The following CDYL variants were observed in gnomAD, a reference collection of about 807,000 sequenced individuals.
CDYL encodes chromodomain Y like.
CDYL carries 8 observed loss-of-function variants against 47.3 expected under a neutral mutation model. The observed-to-expected ratio is 0.17, with a 90% confidence interval of 0.10 to 0.31. CDYL has a LOEUF of 0.31. Among genes scored for constraint, CDYL ranks in the 10% least tolerant of loss-of-function variants. The probability of loss-of-function intolerance (pLI) is 1.00; values close to 1 mark genes in which losing one functional copy is unlikely to be tolerated. For synonymous variants in CDYL, 266 were observed against 265.0 expected, an observed-to-expected ratio of 1.00 and a Z score of -0.04; for missense variants, 471 against 701.4, an observed-to-expected ratio of 0.67 and a Z score of 3.71.
chr6:4,767,754 A>G (rs552207815), intron 3 of CDYL, among the ~76,000 whole-genome samples: 5 of 152,210 alleles, frequency 3.3e-5, no homozygotes, highest in Admixed American at 1.3e-4. Context: ...ACTTTACTCA[A>G]TGTCATATTG....
chr6:4,869,212 C>T (rs767933563), intron 1 of CDYL, among the ~76,000 whole-genome samples: 5 of 151,944 alleles, frequency 3.3e-5, no homozygotes, highest in Admixed American at 6.6e-5. Context: ...TCTCCTGTCT[C>T]GGCCTCCCAA....
chr6:4,842,823 C>T (rs570463092), intron 1 of CDYL, among the ~76,000 whole-genome samples: 2 of 152,110 alleles, frequency 1.3e-5, no homozygotes, highest in South Asian at 2.1e-4. Context: ...ATATGAAAAC[C>T]CTTGTGGGTT....
At chr6:4,713,999 G>A (rs547218863) in intron 1 of CDYL, 1 of 152,322 alleles carries the variant, frequency 6.6e-6, no homozygotes, top group East Asian at 1.9e-4. Context: ...CTAACATTGA[G>A]AGGATGCCGT....
At chr6:4,839,437 A>G (rs1428897886) in intron 1 of CDYL, among the ~76,000 whole-genome samples, 7 of 152,072 alleles carry the variant, frequency 4.6e-5, no homozygotes, top group Admixed American at 4.6e-4. Flanking sequence ...AGTCCCATCT[A>G]TTTATCTTTG....
intron 2 of CDYL, among the ~76,000 whole-genome samples, chr6:4,729,688 C>T (rs779306873): frequency 2.6e-5 from 4 of 152,156 alleles, no homozygotes; most frequent in East Asian, 3.9e-4. Flanking sequence ...GAGGCCAAGG[C>T]GGGTGGATCA....
chr6:4,812,608 C>A (rs1226722719), intron 1 of CDYL, among the ~76,000 whole-genome samples: 1 of 152,126 alleles, frequency 6.6e-6, no homozygotes, highest in Non-Finnish European at 1.5e-5. Flanking sequence ...TTGCCTATCC[C>A]TCCCCTTTGC....
intron 2 of CDYL, among the ~76,000 whole-genome samples, chr6:4,727,371 T>C (rs117434830): frequency 1.3e-5 from 2 of 152,288 alleles, no homozygotes; most frequent in East Asian, 3.9e-4. Context: ...TCTCAAACAC[T>C]GTAAAACAGG....
chr6:4,747,812 A>G (rs1021539725), intron 3 of CDYL, among the ~76,000 whole-genome samples: 1 of 152,240 alleles, frequency 6.6e-6, no homozygotes, highest in Admixed American at 6.5e-5. Flanking sequence ...AAGCTTTCCC[A>G]CAGGAATCAT....
chr6:4,929,561 A>G (rs983182579), intron 2 of CDYL, among the ~76,000 whole-genome samples: 6 of 151,220 alleles, frequency 4.0e-5, no homozygotes, highest in Non-Finnish European at 8.9e-5. Context: ...CTCAAATTAC[A>G]CATATGCTAG....
At chr6:4,737,597 T>A (rs939432680) in intron 3 of CDYL, among the ~76,000 whole-genome samples, 19 of 149,528 alleles carry the variant, frequency 1.3e-4, no homozygotes, top group African/African-American at 4.5e-4. Context: ...CAGTGAGCCG[T>A]GATCATGTTG....
intron 1 of CDYL, among the ~76,000 whole-genome samples, chr6:4,825,445 T>C (rs1366809373): frequency 6.6e-6 from 1 of 152,252 alleles, no homozygotes; most frequent in Non-Finnish European, 1.5e-5. Context: ...CTTCCAGTTA[T>C]ACACTTCACA....
intron 1 of CDYL, among the ~76,000 whole-genome samples, chr6:4,847,901 T>C (rs1561667566): frequency 1.3e-5 from 2 of 152,124 alleles, no homozygotes; most frequent in African/African-American, 4.8e-5. Flanking sequence ...AGGAGTTCTG[T>C]AGTTGATTCT....
intron 1 of CDYL, among the ~76,000 whole-genome samples, chr6:4,848,647 T>C (rs1256878128): frequency 2.0e-5 from 3 of 152,238 alleles, no homozygotes; most frequent in Admixed American, 2.0e-4. Flanking sequence ...GAATTCTTCC[T>C]AGGGAGTATT....
rs558515321 is a variant in CDYL at position 4,779,592 on chromosome 6, C to T, written c.24+2785C>T. ...CTGGAAAAGATGGGTAGAGCATGAA[C>T]CTTGCAAAATTTGAAGAGTTACTAT... On this transcript the variant is annotated intron_variant, in intron 1 of 6. Transcript: ENST00000397588. Among the ~76,000 whole-genome samples, 6 of 152,220 alleles carry T rather than the reference C, an allele frequency of 3.9e-5. No homozygotes were observed. The South Asian group carries it at 6.2e-4, about 16-fold the overall frequency.
At chr6:4,930,064 CTAGA>C (rs886389635) in intron 2 of CDYL, among the ~76,000 whole-genome samples, 22 of 152,150 alleles carry the variant, frequency 1.4e-4, no homozygotes, top group African/African-American at 4.6e-4. Flanking sequence ...TATTCTAGAG[CTAGA>C]TTAGTTCCAC....
At chr6:4,873,617 T>C (rs920403415) in intron 1 of CDYL, among the ~76,000 whole-genome samples, 4 of 152,320 alleles carry the variant, frequency 2.6e-5, no homozygotes, top group African/African-American at 9.6e-5. Flanking sequence ...TGTTTTTGGT[T>C]AGAACATTAA....
At chr6:4,795,488 A>G (rs139598209) in intron 1 of CDYL, among the ~76,000 whole-genome samples, 1,910 of 152,250 alleles carry the variant, frequency 0.013, 15 homozygotes, top group Middle Eastern at 0.024. Flanking sequence ...CTAAAAAATC[A>G]TCTGAGCCTC....
At chr6:4,793,224 T>C (rs988923336) in intron 1 of CDYL, among the ~76,000 whole-genome samples, 1 of 152,194 alleles carries the variant, frequency 6.6e-6, no homozygotes, top group African/African-American at 2.4e-5. Context: ...ATCGCGTTCA[T>C]GGATTAATCT....
At chr6:4,776,256 C>G (rs1470789509), upstream of CDYL, among the ~76,000 whole-genome samples, 5 of 143,938 alleles carry the variant, frequency 3.5e-5, no homozygotes, top group Non-Finnish European at 6.2e-5. Context: ...CGGCCCCGAG[C>G]GGAGCCCACT....
Sources: allele counts gnomAD v4.1 joint callset (sites outside exome capture counted in the v4.1 genomes callset), GRCh38; gene constraint gnomAD v4.1.1; transcripts MANE v1.5; gene names NCBI Gene and HGNC (gene_info 2026-07-23, HGNC 2026-07-21).